ST8SIA4: variants seen among roughly 807,000 people sequenced by gnomAD.
ST8SIA4 encodes CMP-N-acetylneuraminate-poly-alpha-2,8-sialyltransferase.
A neutral mutation model predicts 33.9 loss-of-function variants in ST8SIA4; 15 were observed. The ratio of observed to expected loss-of-function variants is 0.44; its 90% CI spans 0.30 to 0.68. The LOEUF (loss-of-function observed/expected upper bound fraction) is 0.68, where lower values mean the gene tolerates loss of function less well. Among genes scored for constraint, ST8SIA4 ranks in the 30% least tolerant of loss-of-function variants. ST8SIA4 has a pLI of 0.10. For missense variants in ST8SIA4, 321 were observed against 428.0 expected, an observed-to-expected ratio of 0.75 and a Z score of 2.21; for synonymous variants, 171 against 151.2, an observed-to-expected ratio of 1.13 and a Z score of -0.96.
chr5:100,862,485 G>A (rs961119423), intron 3 of ST8SIA4, among the ~76,000 whole-genome samples: 10 of 151,856 alleles, frequency 6.6e-5, no homozygotes, highest in South Asian at 2.1e-4. Context: ...TCCTATCTCC[G>A]CCTCCTGGGT....
chr5:100,836,835 C>A (rs1395287294), intron 4 of ST8SIA4, among the ~76,000 whole-genome samples: 1 of 151,998 alleles, frequency 6.6e-6, no homozygotes, highest in Non-Finnish European at 1.5e-5. Context: ...TAAAATCCAT[C>A]AGAGAAAATT....
intron 4 of ST8SIA4, among the ~76,000 whole-genome samples, chr5:100,832,503 T>C (rs1001121870): frequency 6.6e-6 from 1 of 152,176 alleles, no homozygotes; most frequent in African/African-American, 2.4e-5. Context: ...AAGGAGATTG[T>C]TCTTATTTTC....
chr5:100,836,226 A>G (rs947403416), intron 4 of ST8SIA4, among the ~76,000 whole-genome samples: 1 of 152,088 alleles, frequency 6.6e-6, no homozygotes. Flanking sequence ...GATTTCTCAG[A>G]GCCCTATGAG....
intron 4 of ST8SIA4, among the ~76,000 whole-genome samples, chr5:100,836,016 T>G (rs1476457130): frequency 6.6e-6 from 1 of 152,084 alleles, no homozygotes; most frequent in African/African-American, 2.4e-5. Flanking sequence ...ACAACTGTGA[T>G]TAATTTAAAT....
intron 3 of ST8SIA4, among the ~76,000 whole-genome samples, chr5:100,872,658 C>A (rs1357801979): frequency 6.6e-6 from 1 of 151,958 alleles, no homozygotes; most frequent in Non-Finnish European, 1.5e-5. Context: ...TTCCTGCCAC[C>A]CTGTGAAGAG....
At chr5:100,836,145 T>C (rs1238449967) in intron 4 of ST8SIA4, among the ~76,000 whole-genome samples, 2 of 152,144 alleles carry the variant, frequency 1.3e-5, no homozygotes, top group Non-Finnish European at 2.9e-5. Context: ...ATGTATTAAT[T>C]AGAGATAAGC....
chr5:100,885,949 A>C, intron 3 of ST8SIA4: 1 of 826,276 alleles, frequency 1.2e-6, no homozygotes, highest in African/African-American at 1.8e-5. Flanking sequence ...ACATTAACAT[A>C]AATCTATTAC....
intron 3 of ST8SIA4, among the ~76,000 whole-genome samples, chr5:100,884,530 C>T (rs11241752): frequency 0.25 from 37,398 of 151,984 alleles, 5,317 homozygotes; most frequent in Non-Finnish European, 0.32. Context: ...TATATGCAGG[C>T]TATATAACTT....
intron 2 of ST8SIA4, among the ~76,000 whole-genome samples, chr5:100,893,541 T>C (rs1219826196): frequency 6.6e-6 from 1 of 152,150 alleles, no homozygotes; most frequent in Admixed American, 6.5e-5. Flanking sequence ...GCTCATTGAT[T>C]TGTAAAATTG....
intron 4 of ST8SIA4, among the ~76,000 whole-genome samples, chr5:100,840,399 A>G (rs140641308): frequency 6.6e-6 from 1 of 151,814 alleles, no homozygotes; most frequent in African/African-American, 2.4e-5. Context: ...TTTAGGGTAC[A>G]AGTTGGGGAA....
intron 4 of ST8SIA4, among the ~76,000 whole-genome samples, chr5:100,813,108 G>C (rs1476738606): frequency 2.0e-5 from 3 of 151,920 alleles, no homozygotes; most frequent in African/African-American, 7.2e-5. Context: ...GATCCTGTTT[G>C]TTGCTGTATT....
At chr5:100,874,633 C>T (rs565762760) in intron 3 of ST8SIA4, among the ~76,000 whole-genome samples, 2 of 151,948 alleles carry the variant, frequency 1.3e-5, no homozygotes, top group African/African-American at 2.4e-5. Flanking sequence ...TATGCAGGCT[C>T]GAGTCTAGTG....
At chr5:100,848,518 A>T (rs986520233) in intron 4 of ST8SIA4, among the ~76,000 whole-genome samples, 1 of 150,290 alleles carries the variant, frequency 6.7e-6, no homozygotes, top group African/African-American at 2.4e-5. Context: ...TAGTATATAT[A>T]GAGACAGAGA....
chr5:100,815,910 G>A (rs1412844764), intron 4 of ST8SIA4, among the ~76,000 whole-genome samples: 2 of 152,136 alleles, frequency 1.3e-5, no homozygotes, highest in South Asian at 2.1e-4. Flanking sequence ...CATATAATAA[G>A]CAATACTACT....
intron 4 of ST8SIA4, among the ~76,000 whole-genome samples, chr5:100,821,930 C>A (rs867919893): frequency 6.6e-6 from 1 of 152,184 alleles, no homozygotes; most frequent in Admixed American, 6.5e-5. Flanking sequence ...CAGACAAGGG[C>A]TTTCCATGAG....
chr5:100,888,660 A>C (rs2112475546), intron 2 of ST8SIA4, among the ~76,000 whole-genome samples: 1 of 152,080 alleles, frequency 6.6e-6, no homozygotes, highest in South Asian at 2.1e-4. Context: ...GCAGAATATA[A>C]CCTCATCCCT....
At chr5:100,878,458 T>G (rs759556883) in intron 3 of ST8SIA4, among the ~76,000 whole-genome samples, 10 of 152,210 alleles carry the variant, frequency 6.6e-5, no homozygotes, top group Admixed American at 2.6e-4. Flanking sequence ...ATTACAAGCA[T>G]GAGCCACTGT....
At chr5:100,867,570 T>C (rs1197994749) in intron 3 of ST8SIA4, among the ~76,000 whole-genome samples, 1 of 152,128 alleles carries the variant, frequency 6.6e-6, no homozygotes, top group Non-Finnish European at 1.5e-5. Context: ...GTATGTACAA[T>C]GGGTACATTA....
Position 100,812,062 on chromosome 5 carries a change from T to C in ST8SIA4, c.865A>G (p.Thr289Ala). 1.2e-6 allele frequency: 2 copies of C among 1,614,154 alleles called. No homozygotes were observed. The highest frequency in any genetic ancestry group is 1.7e-6 in the Non-Finnish European group (2 of 1,180,000). ...STGLLMYTLA[T>A]RFCDEIHLYG... ...AGGTGAATTTCATCACAGAATCTTG[T>C]GGCAAGTGTATACATGAGAAGACCT... The change falls in exon 5 of 5, where the codon ACA becomes GCA. Residue 289 changes from threonine (T) to alanine (A), a missense_variant. Thr to Ala is a moderately conservative substitution (Grantham distance 58, BLOSUM62 0). Transcript: ENST00000231461.
Sources: allele counts gnomAD v4.1 joint callset (sites outside exome capture counted in the v4.1 genomes callset), GRCh38; gene constraint gnomAD v4.1.1; transcripts MANE v1.5; gene names NCBI Gene and HGNC (gene_info 2026-07-23, HGNC 2026-07-21).